The following RAD51B variants were observed in gnomAD, a reference collection of about 807,000 sequenced individuals.
RAD51B encodes the protein RAD51 paralog B, also known as DNA repair protein RAD51 homolog 2.
Under a neutral mutation model 42.2 loss-of-function variants are expected in RAD51B, and 38 were observed. That is an observed-to-expected ratio of 0.90 (90% confidence interval 0.70 to 1.18). The LOEUF (loss-of-function observed/expected upper bound fraction) is 1.18, where lower values mean the gene tolerates loss of function less well. Ranked by LOEUF, RAD51B falls within the 50% of genes most tolerant of loss-of-function variation. RAD51B has a pLI of 0.00. For synonymous variants in RAD51B, 154 were observed against 145.2 expected (o/e 1.06, Z -0.43); for missense variants, 373 against 400.7 (o/e 0.93, Z 0.59).
intron 7 of RAD51B, among the ~76,000 whole-genome samples, chr14:67,965,958 A>G (rs1023995620): frequency 6.6e-6 from 1 of 152,174 alleles, no homozygotes; most frequent in Non-Finnish European, 1.5e-5. Flanking sequence ...GAAGGACTCA[A>G]TCCCAGAAGG....
chr14:68,143,340 A>G (rs553724208), intron 7 of RAD51B, among the ~76,000 whole-genome samples: 2 of 152,320 alleles, frequency 1.3e-5, no homozygotes, highest in South Asian at 4.1e-4. Flanking sequence ...AATGGTGTGG[A>G]AGGAAATGAT....
chr14:68,619,471 A>T (rs1206088109), intron 10 of RAD51B, among the ~76,000 whole-genome samples: 1 of 151,858 alleles, frequency 6.6e-6, no homozygotes, highest in Non-Finnish European at 1.5e-5. Flanking sequence ...CAAAAAAAAA[A>T]AGAAAAAAAA....
chr14:68,111,351 T>G (rs189278841), intron 7 of RAD51B, among the ~76,000 whole-genome samples: 1 of 152,202 alleles, frequency 6.6e-6, no homozygotes, highest in Admixed American at 6.5e-5. Flanking sequence ...CAGAAACTGA[T>G]TGGGTTCTAT....
intron 10 of RAD51B, among the ~76,000 whole-genome samples, chr14:68,592,253 ATGTGTGTG>A (rs55833641): frequency 1.6e-4 from 22 of 140,064 alleles, no homozygotes; most frequent in African/African-American, 3.5e-4. Context: ...GTAGGCAATG[ATGTGTGTG>A]TGTGTGTGTG....
At chr14:68,344,863 C>T (rs8015111) in intron 8 of RAD51B, among the ~76,000 whole-genome samples, 3 of 144,964 alleles carry the variant, frequency 2.1e-5, no homozygotes, top group Non-Finnish European at 1.5e-5. Context: ...AGGAGAATGG[C>T]GTGAACCCAG....
At chr14:67,945,379 T>A (rs1306400025) in intron 7 of RAD51B, among the ~76,000 whole-genome samples, 1 of 152,202 alleles carries the variant, frequency 6.6e-6, no homozygotes, top group Non-Finnish European at 1.5e-5. Context: ...CAAAAATCTT[T>A]GAATTGATTT....
At chr14:67,927,276 T>C (rs1467281146) in intron 7 of RAD51B, among the ~76,000 whole-genome samples, 1 of 152,220 alleles carries the variant, frequency 6.6e-6, no homozygotes, top group East Asian at 1.9e-4. Flanking sequence ...GTTTGCTGCA[T>C]GCATAGAATG....
intron 10 of RAD51B, among the ~76,000 whole-genome samples, chr14:68,605,169 G>A (rs371202136): frequency 4.3e-4 from 65 of 152,302 alleles, no homozygotes; most frequent in African/African-American, 1.3e-3. Context: ...TTCTGGATCC[G>A]AGAAGTCCAA....
At chr14:67,923,499 A>C (rs1333060928) in intron 7 of RAD51B, among the ~76,000 whole-genome samples, 1 of 151,602 alleles carries the variant, frequency 6.6e-6, no homozygotes, top group Non-Finnish European at 1.5e-5. Context: ...GGGTTTCTCC[A>C]TGTTGTTCAG....
At chr14:67,921,288 G>A (rs2044313625) in intron 7 of RAD51B, among the ~76,000 whole-genome samples, 1 of 152,054 alleles carries the variant, frequency 6.6e-6, no homozygotes, top group Admixed American at 6.6e-5. Flanking sequence ...GCTTACTGCA[G>A]CCCTGAACTC....
chr14:67,962,661 G>T (rs2074694067), intron 7 of RAD51B, among the ~76,000 whole-genome samples: 1 of 152,110 alleles, frequency 6.6e-6, no homozygotes, highest in Non-Finnish European at 1.5e-5. Flanking sequence ...AGAACCCAGA[G>T]AATATAGTAT....
intron 5 of RAD51B, among the ~76,000 whole-genome samples, chr14:67,879,430 A>G (rs543730004): frequency 6.6e-6 from 1 of 151,976 alleles, no homozygotes; most frequent in Non-Finnish European, 1.5e-5. Context: ...ACTGTCATAT[A>G]TTTTTTGTTT....
At chr14:68,585,474 A>C (rs1320268831) in intron 10 of RAD51B, among the ~76,000 whole-genome samples, 1 of 152,198 alleles carries the variant, frequency 6.6e-6, no homozygotes, top group East Asian at 1.9e-4. Context: ...GGGCTAAACA[A>C]GCAACCAAGG....
chr14:68,294,205 A>G (rs2081570228), intron 8 of RAD51B, among the ~76,000 whole-genome samples: 1 of 152,246 alleles, frequency 6.6e-6, no homozygotes, highest in Non-Finnish European at 1.5e-5. Context: ...AACTGCCACA[A>G]GAAACCCCTG....
At chr14:68,213,856 G>A (rs891902910) in intron 7 of RAD51B, among the ~76,000 whole-genome samples, 5 of 151,968 alleles carry the variant, frequency 3.3e-5, no homozygotes, top group African/African-American at 1.2e-4. Flanking sequence ...GGAATATGAA[G>A]ACAACCTTCA....
intron 8 of RAD51B, among the ~76,000 whole-genome samples, chr14:68,315,420 A>T (rs896843331): frequency 6.6e-6 from 1 of 152,230 alleles, no homozygotes; most frequent in Non-Finnish European, 1.5e-5. Flanking sequence ...ATTGCTCCCT[A>T]TGTTAAAAAC....
chr14:68,593,345 C>A (rs1456269162), intron 10 of RAD51B, among the ~76,000 whole-genome samples: 1 of 152,242 alleles, frequency 6.6e-6, no homozygotes, highest in Non-Finnish European at 1.5e-5. Context: ...CAGGGCCAGG[C>A]CCATGATGGG....
At chr14:68,655,618 T>A (rs1044869833) in intron 11 of RAD51B, among the ~76,000 whole-genome samples, 4 of 152,162 alleles carry the variant, frequency 2.6e-5, no homozygotes, top group Admixed American at 1.3e-4. Flanking sequence ...GACACACAGC[T>A]CTTGCTCCAG....
chr14:67,883,390 C>T lies in RAD51B; in HGVS notation c.453-2479C>T, dbSNP rs116001105. ...CTTATGTGATCTTGGCCTTGGCTAG[C>T]TCTTTGTTTTCTTTTATTCTCCCTC... On this transcript the variant is annotated intron_variant, in intron 5 of 10. Transcript: ENST00000471583. Among the ~76,000 whole-genome samples the T allele has an allele frequency of 9.0e-3, 1,351 of 150,908 alleles. 24 individuals carry two copies. The highest frequency in any genetic ancestry group is 0.031 in the African/African-American group (1,272 of 41,240).
Sources: gnomAD v4.1 joint callset for allele counts (sites outside exome capture counted in the v4.1 genomes callset) on GRCh38, gnomAD v4.1.1 for gene constraint, MANE v1.5 for transcripts, NCBI Gene and HGNC (gene_info 2026-07-23, HGNC 2026-07-21) for gene names.